NME9: variants seen among roughly 807,000 people sequenced by gnomAD.
NME9 encodes the protein thioredoxin domain-containing protein 6.
NME9 carries 48 observed loss-of-function variants against 44.4 expected under a neutral mutation model. The ratio of observed to expected loss-of-function variants is 1.08; its 90% confidence interval spans 0.86 to 1.37. NME9 has a LOEUF of 1.37. NME9 is among the 40% of genes most tolerant of loss of function. The probability of loss-of-function intolerance (pLI) is 0.00; values close to 1 mark genes in which losing one functional copy is unlikely to be tolerated. For synonymous variants in NME9, 139 were observed against 147.1 expected, an observed-to-expected ratio of 0.94 and a Z score of 0.40; for missense variants, 325 against 405.2, an observed-to-expected ratio of 0.80 and a Z score of 1.70.
At chr3:138,318,126 C>G in intron 4 of NME9, 22 bp downstream of exon 4, 1 of 1,458,366 alleles carries the variant, frequency 6.9e-7, no homozygotes, top group Non-Finnish European at 9.6e-7. Context: ...TCAAATAGTT[C>G]TGATTCTGAA....
At position 138,301,098 on chromosome 3, in the gene NME9, T is replaced by C. The variant is rs1577107328; in HGVS notation, c.*542A>G. 3 of 972,212 alleles carry C rather than the reference T, an allele frequency of 3.1e-6. No homozygotes were observed. Among genetic ancestry groups the C allele is most frequent in the Non-Finnish European group, 3.7e-6 (3 of 817,934 alleles). The allele number at this position is 972,212 out of a possible 1,614,324, so 60.2% of individuals were successfully genotyped here. A position where few individuals can be genotyped will look rare whatever the true frequency, so the allele number is the denominator to read the frequency against. ...ATATCTCACAACAGGATGTAATAAC[T>C]GATGTTCAATTATTTTGTAAAATCC... On this transcript the variant is annotated 3_prime_UTR_variant, in exon 11 of 11. Transcript: ENST00000333911.
In NME9 at chr3:138,304,947, C is replaced by T. The variant is rs1390856465; in HGVS notation, c.717G>A (p.Glu239=). ...LLILTRTEGF[E]DVVTTWRTVM... is the part of the protein sequence containing the mutation. Reference sequence around the variant, plus strand: ...CGGTTCGCCAGGTAGTGACCACGTCCTCGAAGCCCTCAGTCCTGGTGAGGA... The same window carrying T: ...CGGTTCGCCAGGTAGTGACCACGTCTTCGAAGCCCTCAGTCCTGGTGAGGA... The change falls in exon 9 of 11, where the codon GAG becomes GAA. Residue 239 remains glutamate, a synonymous_variant. Transcript: ENST00000333911. 16 of 1,614,156 alleles carry T rather than the reference C, an allele frequency of 9.9e-6. No individual in the cohort carries two copies. In the East Asian group the frequency reaches 1.1e-4, roughly 11 times the overall value.
At chr3:138,280,435 A>T (rs1170796783) in intron 8 of NME9, among the ~76,000 whole-genome samples, 1 of 149,698 alleles carries the variant, frequency 6.7e-6, no homozygotes, top group African/African-American at 2.5e-5. Context: ...CTCGTGCCTC[A>T]GCCTCCCAAG....
chr3:138,318,642 G>T (rs1316320966), intron 3 of NME9, among the ~76,000 whole-genome samples: 2 of 151,954 alleles, frequency 1.3e-5, no homozygotes, highest in African/African-American at 4.8e-5. Context: ...ACTGCCAAAG[G>T]AGGAACTGCA....
intron 6 of NME9, among the ~76,000 whole-genome samples, chr3:138,310,383 C>T (rs987368629): frequency 6.6e-6 from 1 of 151,024 alleles, no homozygotes; most frequent in Non-Finnish European, 1.5e-5. Flanking sequence ...AGAAGACAAA[C>T]GTCATAGTCA....
At chr3:138,312,012 A>G (rs1408432622) in intron 6 of NME9, among the ~76,000 whole-genome samples, 1 of 152,204 alleles carries the variant, frequency 6.6e-6, no homozygotes, top group Non-Finnish European at 1.5e-5. Flanking sequence ...CACATTTACA[A>G]TAGCTACAAA....
chr3:138,321,159 T>A (rs533413273), intron 2 of NME9, among the ~76,000 whole-genome samples: 19 of 152,338 alleles, frequency 1.2e-4, no homozygotes, highest in African/African-American at 4.1e-4. Flanking sequence ...GGTGAAGTCA[T>A]GGACCTAAGG....
intron 8 of NME9, among the ~76,000 whole-genome samples, chr3:138,293,410 G>A (rs531948151): frequency 2.5e-4 from 38 of 152,220 alleles, no homozygotes; most frequent in African/African-American, 8.7e-4. Flanking sequence ...ATGGTAGTAC[G>A]TGCCTGTAGT....
chr3:138,324,385 G>T (rs1199823128), intron 2 of NME9: 3 of 446,302 alleles, frequency 6.7e-6, no homozygotes, highest in Admixed American at 4.8e-5. Context: ...AATGTTTGTT[G>T]TTGTAAAGCA....
chr3:138,262,423 A>T, exon 9 of NME9: 1 of 1,203,738 alleles, frequency 8.3e-7, no homozygotes, highest in Non-Finnish European at 1.2e-6. Flanking sequence ...AATAGATGAT[A>T]TTTTCCCTGA....
In NME9 at chr3:138,301,300, G is replaced by T; in HGVS notation, c.*340C>A. On this transcript the variant is annotated 3_prime_UTR_variant, in exon 11 of 11. Coordinates refer to ENST00000333911, the MANE Select transcript of NME9 (RefSeq NM_001349018.2). ...GCTTACTGCAACCTTCACCTCCCGG[G>T]TTCAAGCGATTCTCATGCCTAAGCC... 1 of 355,110 alleles carries T rather than the reference G, an allele frequency of 2.8e-6. No homozygotes were observed. Among genetic ancestry groups the T allele is most frequent in the Non-Finnish European group, 4.2e-6 (1 of 237,292 alleles). The allele number at this position is 355,110 out of a possible 1,614,324, so 22.0% of individuals were successfully genotyped here. A position where few individuals can be genotyped will look rare whatever the true frequency, so the allele number is the denominator to read the frequency against.
chr3:138,289,073 T>A, intron 8 of NME9: 1 of 1,613,490 alleles, frequency 6.2e-7, no homozygotes, highest in Non-Finnish European at 8.5e-7. Flanking sequence ...AAACTGCAGC[T>A]TGCAGCCATG....
chr3:138,312,714 G>A (rs2052785341), intron 6 of NME9, among the ~76,000 whole-genome samples: 1 of 152,076 alleles, frequency 6.6e-6, no homozygotes, highest in Non-Finnish European at 1.5e-5. Context: ...TTTTGTGTAA[G>A]ACCTCAAAAG....
intron 8 of NME9, among the ~76,000 whole-genome samples, chr3:138,305,266 C>T (rs192106574): frequency 6.6e-6 from 1 of 152,164 alleles, no homozygotes; most frequent in African/African-American, 2.4e-5. Context: ...CTCAGAATGA[C>T]GAGACTTTTA....
chr3:138,290,889 G>A (rs1164285686), intron 8 of NME9, among the ~76,000 whole-genome samples: 5 of 152,230 alleles, frequency 3.3e-5, no homozygotes, highest in Non-Finnish European at 7.3e-5. Context: ...ATTGGATCCA[G>A]AGGCCATTTG....
At chr3:138,284,349 G>T in intron 8 of NME9, 1 of 1,041,020 alleles carries the variant, frequency 9.6e-7, no homozygotes, top group Non-Finnish European at 1.5e-6. Flanking sequence ...ACCTTCAAGT[G>T]AAAAATTGCC....
intron 6 of NME9, among the ~76,000 whole-genome samples, chr3:138,309,302 CA>C (rs35216977): frequency 4.9e-4 from 69 of 140,916 alleles, no homozygotes; most frequent in Middle Eastern, 3.8e-3. Flanking sequence ...TCATCTCAAA[CA>C]AAAAAAAAAA....
At chr3:138,284,683 GA>G (rs113137172) in intron 8 of NME9, among the ~76,000 whole-genome samples, 7,461 of 151,998 alleles carry the variant, frequency 0.049, 602 homozygotes, top group African/African-American at 0.17. Flanking sequence ...TGAAGAAAAA[GA>G]AAAAAACACC....
intron 5 of NME9, among the ~76,000 whole-genome samples, chr3:138,314,791 T>A (rs1465055700): frequency 6.6e-6 from 1 of 152,210 alleles, no homozygotes; most frequent in African/African-American, 2.4e-5. Flanking sequence ...ATTTGCAGTT[T>A]TCTTTTGTGA....
Sources: allele counts gnomAD v4.1 joint callset (sites outside exome capture counted in the v4.1 genomes callset), GRCh38; gene constraint gnomAD v4.1.1; transcripts MANE v1.5; gene names NCBI Gene and HGNC (gene_info 2026-07-23, HGNC 2026-07-21).